The following LTBP1 variants were observed in gnomAD, a reference collection of about 807,000 sequenced individuals.
LTBP1 encodes latent-transforming growth factor beta-binding protein 1.
LTBP1 carries 129 observed loss-of-function variants against 207.6 expected under a neutral mutation model. That is an observed-to-expected ratio of 0.62 (90% CI 0.54 to 0.72). The LOEUF (loss-of-function observed/expected upper bound fraction) is 0.72, where lower values mean the gene tolerates loss of function less well. Ranked by LOEUF, LTBP1 falls within the 30% of genes least tolerant of loss-of-function variation. The probability of loss-of-function intolerance (pLI) is 0.00; values close to 1 mark genes in which losing one functional copy is unlikely to be tolerated. For synonymous variants in LTBP1, 963 were observed against 833.7 expected (o/e 1.16, Z -2.67); for missense variants, 2,281 against 2,217.2 (o/e 1.03, Z -0.58).
At chr2:33,394,297 T>C (rs998573083) in intron 32 of LTBP1, among the ~76,000 whole-genome samples, 1 of 152,224 alleles carries the variant, frequency 6.6e-6, no homozygotes, top group African/African-American at 2.4e-5. Context: ...CTTTTTAGTC[T>C]AATTAGATCC....
chr2:33,094,213 A>C (rs139386994), intron 3 of LTBP1, among the ~76,000 whole-genome samples: 214 of 152,300 alleles, frequency 1.4e-3, no homozygotes, highest in African/African-American at 5.1e-3. Context: ...AAGAAGGTTA[A>C]ATTAGCCCAA....
chr2:33,309,970 A>T (rs1420824322), intron 23 of LTBP1, among the ~76,000 whole-genome samples: 4 of 144,866 alleles, frequency 2.8e-5, no homozygotes, highest in African/African-American at 1.0e-4. Flanking sequence ...TTTTTGAGAC[A>T]GAGTCTCGCT....
intron 3 of LTBP1, among the ~76,000 whole-genome samples, chr2:33,104,517 A>G (rs1049829461): frequency 2.6e-5 from 4 of 152,170 alleles, no homozygotes; most frequent in Non-Finnish European, 4.4e-5. Context: ...GGTTTTCTGC[A>G]GTAATTTGCA....
intron 25 of LTBP1, 151 bp from the exon 26 acceptor site, chr2:33,347,216 C>A (rs1045507966): frequency 9.0e-5 from 64 of 713,508 alleles, no homozygotes; most frequent in Admixed American, 2.8e-4. Flanking sequence ...CCTTAAAGAG[C>A]CCCTTCCCTA....
intron 3 of LTBP1, among the ~76,000 whole-genome samples, chr2:33,051,446 C>T (rs1318202387): frequency 1.3e-5 from 2 of 152,086 alleles, no homozygotes. Flanking sequence ...CACACACACA[C>T]AAAACTGTAG....
intron 24 of LTBP1, among the ~76,000 whole-genome samples, chr2:33,317,441 G>T (rs771891100): frequency 6.6e-6 from 1 of 152,008 alleles, no homozygotes; most frequent in Non-Finnish European, 1.5e-5. Flanking sequence ...TTTTTTATGG[G>T]CTTAATCCAA....
intron 9 of LTBP1, among the ~76,000 whole-genome samples, chr2:33,237,684 T>C (rs1300629349): frequency 6.6e-6 from 1 of 152,202 alleles, no homozygotes; most frequent in African/African-American, 2.4e-5. Flanking sequence ...GACTCATTAC[T>C]TTTTCTGTGA....
chr2:33,393,391 A>G (rs1285674131), intron 32 of LTBP1, among the ~76,000 whole-genome samples: 1 of 151,678 alleles, frequency 6.6e-6, no homozygotes, highest in Non-Finnish European at 1.5e-5. Context: ...TGCTGCACCC[A>G]TTAACTCATC....
intron 5 of LTBP1, among the ~76,000 whole-genome samples, chr2:33,160,635 T>A (rs1054071917): frequency 1.3e-5 from 2 of 152,344 alleles, no homozygotes; most frequent in South Asian, 4.1e-4. Context: ...CTTTTTCAGC[T>A]CTGTTGAGAG....
At chr2:33,205,012 CT>C (rs1344909221) in intron 7 of LTBP1, among the ~76,000 whole-genome samples, 1 of 152,198 alleles carries the variant, frequency 6.6e-6, no homozygotes, top group Non-Finnish European at 1.5e-5. Context: ...ACCAAGGTGT[CT>C]TTGAGCCCTC....
At chr2:33,282,429 C>T (rs1015380156) in intron 19 of LTBP1, among the ~76,000 whole-genome samples, 1 of 152,126 alleles carries the variant, frequency 6.6e-6, no homozygotes, top group East Asian at 1.9e-4. Context: ...GCAGGTTATA[C>T]TGAAATAGAT....
At chr2:33,281,548 C>G (rs967626151) in intron 19 of LTBP1, among the ~76,000 whole-genome samples, 5 of 152,130 alleles carry the variant, frequency 3.3e-5, no homozygotes, top group Non-Finnish European at 7.3e-5. Flanking sequence ...CCTGGGAAGA[C>G]ATTTAGGTGT....
At position 32,948,894 on chromosome 2, in the gene LTBP1, C is replaced by T. The variant is rs779332816; in HGVS notation, c.514C>T (p.Arg172Trp). ...QLQGVNVCGG[R>W]CCHGWSKAPG... ...TTTCAGGGTCAATGTCTGTGGAGGGCGGTGCTGTCATGGCTGGAGTAAGGC... is the reference window on the plus strand; with the variant it reads ...TTTCAGGGTCAATGTCTGTGGAGGGTGGTGCTGTCATGGCTGGAGTAAGGC... Residue 172 changes from arginine (R) to tryptophan (W), a missense_variant, in exon 2 of 34, where the codon CGG (arginine) becomes TGG (tryptophan). Transcript: ENST00000404816. 2 of 1,614,132 alleles carry T rather than the reference C, an allele frequency of 1.2e-6. No individual in the cohort carries two copies. The highest frequency in any genetic ancestry group is 8.5e-7 in the Non-Finnish European group (1 of 1,180,018).
At chr2:33,122,562 C>G (rs904954966) in intron 4 of LTBP1, among the ~76,000 whole-genome samples, 1 of 152,158 alleles carries the variant, frequency 6.6e-6, no homozygotes, top group African/African-American at 2.4e-5. Context: ...CAGAATCTCT[C>G]TTAAGGAATT....
At chr2:32,952,613 G>A (rs1677327214) in intron 2 of LTBP1, among the ~76,000 whole-genome samples, 1 of 152,144 alleles carries the variant, frequency 6.6e-6, no homozygotes, top group South Asian at 2.1e-4. Context: ...CCCCTGATGT[G>A]TAACATTTTT....
intron 2 of LTBP1, among the ~76,000 whole-genome samples, chr2:32,996,924 G>A (rs1246653791): frequency 2.0e-5 from 3 of 151,972 alleles, no homozygotes; most frequent in South Asian, 2.1e-4. Flanking sequence ...TCGCTCTGTC[G>A]CCCAGGCTGG....
At chr2:33,232,605 G>C (rs2091850880) in intron 9 of LTBP1, among the ~76,000 whole-genome samples, 1 of 152,068 alleles carries the variant, frequency 6.6e-6, no homozygotes, top group Admixed American at 6.6e-5. Flanking sequence ...TTCTTTTGGG[G>C]AGGATTTGCC....
chr2:33,363,658 C>A, intron 29 of LTBP1, 140 bp downstream of exon 29: 2 of 929,800 alleles, frequency 2.2e-6, no homozygotes, highest in East Asian at 2.6e-5. Flanking sequence ...GGATCTTTTT[C>A]TTAAGCACAA....
At chr2:33,241,079 A>G (rs1368999404) in intron 9 of LTBP1, among the ~76,000 whole-genome samples, 2 of 152,200 alleles carry the variant, frequency 1.3e-5, no homozygotes, top group Non-Finnish European at 2.9e-5. Context: ...CAGAAATCTA[A>G]TCTCTAATTT....
Sources: allele counts gnomAD v4.1 joint callset (sites outside exome capture counted in the v4.1 genomes callset), GRCh38; gene constraint gnomAD v4.1.1; transcripts MANE v1.5; gene names NCBI Gene and HGNC (gene_info 2026-07-23, HGNC 2026-07-21).